PIGN: variants seen among roughly 807,000 people sequenced by gnomAD.
PIGN encodes phosphatidylinositol glycan anchor biosynthesis class N, also known as GPI ethanolamine phosphate transferase 1.
In PIGN, 117 loss-of-function variants were observed where a neutral mutation model predicts 125.4. The ratio of observed to expected loss-of-function variants is 0.93; its 90% CI spans 0.80 to 1.09. PIGN has a LOEUF of 1.09. PIGN is among the 50% of genes least tolerant of loss of function. The pLI is 0.00. For synonymous variants in PIGN, 392 were observed against 377.8 expected, an observed-to-expected ratio of 1.04 and a Z score of -0.44; for missense variants, 1,075 against 1,094.9, an observed-to-expected ratio of 0.98 and a Z score of 0.26.
chr18:62,055,683 T>G (rs1161884711), intron 30 of PIGN, among the ~76,000 whole-genome samples: 1 of 152,158 alleles, frequency 6.6e-6, no homozygotes, highest in African/African-American at 2.4e-5. Flanking sequence ...CTCTGTATTA[T>G]TTCTTACAAC....
At chr18:62,100,140 T>TA in intron 22 of PIGN, among the ~76,000 whole-genome samples, 1 of 152,064 alleles carries the variant, frequency 6.6e-6, no homozygotes, top group Non-Finnish European at 1.5e-5. Flanking sequence ...TTAATCCAAC[T>TA]AAAAAATGGG....
chr18:62,172,560 T>TATTTGTAAATGCAAATGTGC (rs542457058), intron 1 of PIGN, among the ~76,000 whole-genome samples: 3 of 152,276 alleles, frequency 2.0e-5, no homozygotes, highest in Admixed American at 6.5e-5. Flanking sequence ...CATTAAGATG[T>TATTTGTAAATGCAAATGTGC]ATTTGTAAAT....
chr18:62,114,477 G>A, intron 15 of PIGN, 84 bp downstream of exon 15: 2 of 801,184 alleles, frequency 2.5e-6, no homozygotes, highest in South Asian at 3.0e-5. Context: ...AAGCTCCCTG[G>A]CCTGCCTACT....
Position 62,161,366 on chromosome 18 carries a change from TA to T in PIGN, c.-14del, listed in dbSNP as rs1380816581. The T allele has an allele frequency of 2.0e-5, 32 of 1,575,570 alleles. No homozygotes were observed. The highest frequency in any genetic ancestry group is 2.6e-5 in the Non-Finnish European group (30 of 1,148,500). On this transcript the variant is annotated 5_prime_UTR_variant, in exon 4 of 31. The change abolishes the stop of an existing upstream ORF in the 5' untranslated region. Coordinates refer to ENST00000640252, the MANE Select transcript of PIGN (RefSeq NM_176787.5). Reference sequence around the variant, plus strand: ...AGAACAGCAGCATATCCAGTGTAACTAATTAGTCTTCAAGAACAGCTGAAAG... The same window carrying T: ...AGAACAGCAGCATATCCAGTGTAACTATTAGTCTTCAAGAACAGCTGAAAG...
chr18:62,116,797 GA>G (rs1178975644), intron 14 of PIGN, among the ~76,000 whole-genome samples: 3 of 151,844 alleles, frequency 2.0e-5, no homozygotes, highest in African/African-American at 7.3e-5. Context: ...AAAAAAGGAA[GA>G]AAAATAAGAG....
At chr18:62,114,033 T>A (rs9961834) in intron 15 of PIGN, among the ~76,000 whole-genome samples, 50,561 of 152,052 alleles carry the variant, frequency 0.33, 9,340 homozygotes, top group East Asian at 0.64. Context: ...TTTCTCATTT[T>A]AAAAAATGGT....
intron 6 of PIGN, among the ~76,000 whole-genome samples, chr18:62,154,862 T>G (rs1240135010): frequency 3.9e-5 from 6 of 152,234 alleles, no homozygotes; most frequent in Non-Finnish European, 4.4e-5. Flanking sequence ...TGTATTCTAT[T>G]GCTTTTTGTC....
chr18:62,161,272 A>G lies in PIGN; in HGVS notation c.82T>C (p.Leu28=). The G allele has an allele frequency of 6.2e-7, 1 of 1,613,830 alleles. No homozygotes were observed. Among genetic ancestry groups the G allele is most frequent in the South Asian group, 1.1e-5 (1 of 91,084 alleles). ...AACTGAGGAGTCATTCCATGAACCAAAGGAGATGTAAAATAAATGTCAAAG... is the reference window on the plus strand; with the variant it reads ...AACTGAGGAGTCATTCCATGAACCAGAGGAGATGTAAAATAAATGTCAAAG... ...SIFDIYFTSP[L]VHGMTPQFTP... The change falls in exon 4 of 31, where the codon TTG becomes CTG. Residue 28 remains leucine (L), a synonymous_variant. Transcript: ENST00000640252.
intron 1 of PIGN, among the ~76,000 whole-genome samples, chr18:62,181,450 G>A (rs1183152667): frequency 6.6e-6 from 1 of 152,088 alleles, no homozygotes; most frequent in Non-Finnish European, 1.5e-5. Flanking sequence ...AGTTAACAGT[G>A]CAAAATCTAA....
chr18:62,062,446 A>C (rs2032209040), intron 30 of PIGN, among the ~76,000 whole-genome samples: 1 of 152,212 alleles, frequency 6.6e-6, no homozygotes, highest in South Asian at 2.1e-4. Flanking sequence ...CCAATGATGA[A>C]ATACTGAGAA....
At position 62,042,585 on chromosome 18, in the gene PIGN, G is replaced by C. The variant is rs1234602437; in HGVS notation, c.*3271C>G. 1.3e-5 allele frequency: 2 copies of C among 151,880 alleles called. No homozygotes were observed. Among genetic ancestry groups the C allele is most frequent in the African/African-American group, 4.8e-5 (2 of 41,366 alleles). 9.4% of individuals were successfully genotyped at this position (151,880 alleles called of 1,614,324 possible). A position where few individuals can be genotyped will look rare whatever the true frequency, so the allele number is the denominator to read the frequency against. On this transcript the variant is annotated 3_prime_UTR_variant, in exon 31 of 31. Transcript: ENST00000640252. ...GTACTTTTCATGAGTTTACCCAAGA[G>C]TAATAATAATTCTAGATTTTAGCCC...
chr18:62,162,180 T>C (rs1190978802), intron 3 of PIGN, 73 bp downstream of exon 3: 1 of 152,150 alleles, frequency 6.6e-6, no homozygotes, highest in Non-Finnish European at 1.5e-5. Flanking sequence ...ACAGAGCTGA[T>C]GAACTTACAA....
chr18:62,151,044 A>G (rs1315790415), intron 7 of PIGN, among the ~76,000 whole-genome samples: 1 of 152,146 alleles, frequency 6.6e-6, no homozygotes, highest in Non-Finnish European at 1.5e-5. Context: ...GCAAGATGAA[A>G]TATTCTAGAG....
chr18:62,148,163 A>G (rs1169066873), intron 8 of PIGN, 51 bp downstream of exon 8: 3 of 1,415,656 alleles, frequency 2.1e-6, no homozygotes, highest in Non-Finnish European at 2.8e-6. Flanking sequence ...AAAAAGTTCA[A>G]TAGAATAGCT....
At chr18:62,169,475 T>A (rs112344555) in intron 1 of PIGN, among the ~76,000 whole-genome samples, 1 of 151,412 alleles carries the variant, frequency 6.6e-6, no homozygotes, top group Non-Finnish European at 1.5e-5. Flanking sequence ...TTTTTATTAT[T>A]TTTTTTTTGA....
intron 1 of PIGN, among the ~76,000 whole-genome samples, chr18:62,182,205 A>C (rs535586301): frequency 3.0e-4 from 45 of 152,302 alleles, no homozygotes; most frequent in African/African-American, 1.0e-3. Flanking sequence ...TATCCTGGCA[A>C]GTTTCATCAT....
downstream of PIGN, among the ~76,000 whole-genome samples, chr18:62,038,025 C>G (rs1375839834): frequency 1.3e-5 from 2 of 152,108 alleles, no homozygotes; most frequent in African/African-American, 4.8e-5. Context: ...TTTGCAGTTC[C>G]TGGAGATTGA....
Position 62,109,971 on chromosome 18 carries a change from T to C in PIGN, c.1437A>G (p.Lys479=). The C allele has an allele frequency of 6.2e-7, 1 of 1,613,254 alleles. No individual in the cohort carries two copies. Among genetic ancestry groups the C allele is most frequent in the African/African-American group, 1.3e-5 (1 of 75,000 alleles). ...LIKGVSKEVK[K]PSHLLPCSFV... is the part of the protein sequence containing the mutation. ...AACTACAAGGCAGGAGATGGCTTGG[T>C]TTCTGAAAAATCAAACAAAACATTG... is the stretch of plus-strand genomic sequence containing the variant. Residue 479 remains lysine, a splice_region_variant and synonymous_variant, in exon 17 of 31, where the codon AAA becomes AAG. Transcript: ENST00000640252.
chr18:62,027,916 A>T (rs888699641), intron 23 of PIGN, among the ~76,000 whole-genome samples: 4 of 152,178 alleles, frequency 2.6e-5, no homozygotes, highest in Admixed American at 2.6e-4. Flanking sequence ...CAATAAAAAA[A>T]GAAAAAAAGA....
Sources: allele counts gnomAD v4.1 joint callset (sites outside exome capture counted in the v4.1 genomes callset), GRCh38; gene constraint gnomAD v4.1.1; transcripts MANE v1.5; gene names NCBI Gene and HGNC (gene_info 2026-07-23, HGNC 2026-07-21).